Variants in KLF8 observed in about 807,000 individuals in gnomAD.
The protein encoded by KLF8 is Krueppel-like factor 8.
In KLF8, 10 loss-of-function variants were observed where a neutral mutation model predicts 18.2. The observed-to-expected ratio is 0.55, with a 90% CI of 0.34 to 0.93. The LOEUF is 0.93. Ranked by LOEUF, KLF8 falls within the 40% of genes least tolerant of loss-of-function variation. The probability of loss-of-function intolerance (pLI) is 0.02; values close to 1 mark genes in which losing one functional copy is unlikely to be tolerated. For missense variants in KLF8, 264 were observed against 277.9 expected, an observed-to-expected ratio of 0.95 and a Z score of 0.36; for synonymous variants, 109 against 97.3, an observed-to-expected ratio of 1.12 and a Z score of -0.71.
the KLF8 span, among the ~76,000 whole-genome samples, chrX:56,222,530 C>T: frequency 8.9e-6 from 1 of 112,788 alleles, no homozygotes; most frequent in African/African-American, 3.2e-5. Context: ...CTCAGGAGCC[C>T]AGCTGGCTTC....
the KLF8 span, among the ~76,000 whole-genome samples, chrX:56,028,296 G>T: frequency 1.1e-5 from 1 of 94,676 alleles, no homozygotes; most frequent in Non-Finnish European, 1.9e-5. Flanking sequence ...CAACAGTTTG[G>T]CTAGCACGCA....
At chrX:56,281,394 C>T (rs1444583778) in intron 5 of KLF8, among the ~76,000 whole-genome samples, 1 of 111,846 alleles carries the variant, frequency 8.9e-6, no homozygotes, top group Non-Finnish European at 1.9e-5. Flanking sequence ...TATTAGCTAG[C>T]CTTGGAACTT....
chrX:56,204,401 A>G, the KLF8 span, among the ~76,000 whole-genome samples: 2 of 111,204 alleles, frequency 1.8e-5, no homozygotes, highest in East Asian at 5.6e-4. Flanking sequence ...TCCAATTTTG[A>G]TTTCCTTTAT....
the KLF8 span, among the ~76,000 whole-genome samples, chrX:56,211,718 C>T: frequency 8.9e-6 from 1 of 111,743 alleles, no homozygotes; most frequent in African/African-American, 3.3e-5. Context: ...TTTTGGTTTC[C>T]GGCTAAGCTT....
the KLF8 span, among the ~76,000 whole-genome samples, chrX:56,148,049 T>C: frequency 1.8e-5 from 2 of 112,194 alleles, no homozygotes; most frequent in Admixed American, 1.9e-4. Context: ...ACTCTAATTA[T>C]ACACTTTTAA....
the KLF8 span, among the ~76,000 whole-genome samples, chrX:56,084,379 A>T: frequency 9.0e-6 from 1 of 110,920 alleles, no homozygotes; most frequent in Admixed American, 9.6e-5. Context: ...AGACCCTGAA[A>T]ACAAACAAAC....
the KLF8 span, among the ~76,000 whole-genome samples, chrX:55,980,127 C>T: frequency 9.0e-6 from 1 of 111,544 alleles, no homozygotes; most frequent in East Asian, 2.8e-4. Flanking sequence ...CGAGAGAACA[C>T]ATATGTGCTG....
chrX:55,919,807 T>C, the KLF8 span, among the ~76,000 whole-genome samples: 5 of 111,348 alleles, frequency 4.5e-5, no homozygotes, highest in Non-Finnish European at 9.4e-5. Flanking sequence ...AAGGCAAAGG[T>C]CATAATATTT....
chrX:56,232,645 T>C lies in KLF8; in HGVS notation c.-690T>C, dbSNP rs1321389050. On this transcript the variant is annotated 5_prime_UTR_variant, in exon 1 of 6. It removes an upstream start codon present in the reference 5' UTR. Coordinates refer to ENST00000468660, the MANE Select transcript of KLF8 (RefSeq NM_007250.5). ...GCCCTGGGGCTGGTGTTCTTCTCTA[T>C]GATTCTACCAATCGTCGGCATTTTT... 9.0e-6 allele frequency: 1 copy of C among 111,728 alleles called. No homozygotes were observed. The highest frequency in any genetic ancestry group is 9.4e-5 in the Admixed American group (1 of 10,585). 9.2% of individuals were successfully genotyped at this position (111,728 alleles called of 1,213,427 possible).
At chrX:56,080,071 C>G in the KLF8 span, among the ~76,000 whole-genome samples, 2 of 111,405 alleles carry the variant, frequency 1.8e-5, no homozygotes, top group Non-Finnish European at 3.8e-5. Flanking sequence ...TTCCTGAATA[C>G]AGCACCCTGA....
At chrX:56,002,623 C>G in the KLF8 span, among the ~76,000 whole-genome samples, 2 of 111,967 alleles carry the variant, frequency 1.8e-5, no homozygotes, top group Non-Finnish European at 3.8e-5. Flanking sequence ...TTTTCTGCTA[C>G]AGAATAGTCA....
the KLF8 span, among the ~76,000 whole-genome samples, chrX:56,186,902 A>T: frequency 4.5e-5 from 5 of 112,216 alleles, no homozygotes; most frequent in Non-Finnish European, 9.4e-5. Flanking sequence ...TTATAGCACT[A>T]AATGCCCACA....
chrX:56,082,682 C>A, the KLF8 span, among the ~76,000 whole-genome samples: 3 of 111,352 alleles, frequency 2.7e-5, no homozygotes, highest in Admixed American at 9.6e-5. Flanking sequence ...CCATTTCTCT[C>A]ATGGTTTCTT....
intron 1 of KLF8, among the ~76,000 whole-genome samples, chrX:56,248,149 G>A (rs751349998): frequency 9.1e-6 from 1 of 110,411 alleles, no homozygotes; most frequent in African/African-American, 3.3e-5. Flanking sequence ...TCACACACTG[G>A]GGCCTGTCAT....
At chrX:56,182,253 C>T in the KLF8 span, among the ~76,000 whole-genome samples, 51 of 112,342 alleles carry the variant, frequency 4.5e-4, no homozygotes, top group South Asian at 2.6e-3. Flanking sequence ...TTGATCGAAT[C>T]GGCTACTGAA....
At chrX:56,185,429 G>A in the KLF8 span, among the ~76,000 whole-genome samples, 3 of 111,721 alleles carry the variant, frequency 2.7e-5, no homozygotes, top group Middle Eastern at 4.2e-3. Flanking sequence ...GGGAGAATGG[G>A]ACCAAGTTGG....
At chrX:55,977,570 T>G in the KLF8 span, among the ~76,000 whole-genome samples, 1 of 111,057 alleles carries the variant, frequency 9.0e-6, no homozygotes, top group East Asian at 2.8e-4. Context: ...AATTGTATTT[T>G]CATGCATAGA....
chrX:56,194,581 T>C, the KLF8 span, among the ~76,000 whole-genome samples: 1 of 112,660 alleles, frequency 8.9e-6, no homozygotes, highest in African/African-American at 3.2e-5. Flanking sequence ...CAGAGCCCAC[T>C]GCAGCTCAAC....
intron 1 of KLF8, among the ~76,000 whole-genome samples, chrX:56,240,658 A>G (rs956818377): frequency 4.5e-5 from 5 of 111,564 alleles, no homozygotes; most frequent in Non-Finnish European, 7.5e-5. Flanking sequence ...GCAAAGATAT[A>G]AAAACACCTT....
Sources: allele counts gnomAD v4.1 joint callset (sites outside exome capture counted in the v4.1 genomes callset), GRCh38; gene constraint gnomAD v4.1.1; transcripts MANE v1.5; gene names NCBI Gene and HGNC (gene_info 2026-07-23, HGNC 2026-07-21).